The following TBX15 variants were observed in gnomAD, a reference collection of about 807,000 sequenced individuals.
TBX15 encodes T-box transcription factor TBX15.
In TBX15, 18 loss-of-function variants were observed where a neutral mutation model predicts 53.9. The ratio of observed to expected loss-of-function variants is 0.33; its 90% CI spans 0.23 to 0.49. TBX15 has a LOEUF of 0.49. Ranked by LOEUF, TBX15 falls within the 20% of genes least tolerant of loss-of-function variation. TBX15 has a pLI of 0.98. For missense variants in TBX15, 692 were observed against 749.5 expected (o/e 0.92, Z 0.90); for synonymous variants, 295 against 278.0 (o/e 1.06, Z -0.61).
At chr1:118,903,190 G>A (rs543581981) in intron 6 of TBX15, among the ~76,000 whole-genome samples, 33 of 152,198 alleles carry the variant, frequency 2.2e-4, no homozygotes, top group African/African-American at 7.0e-4. Context: ...TTCTCTTTAG[G>A]CTTTTCAGGC....
At chr1:118,966,215 G>A (rs541131647) in intron 1 of TBX15, among the ~76,000 whole-genome samples, 2 of 152,350 alleles carry the variant, frequency 1.3e-5, no homozygotes, top group African/African-American at 4.8e-5. Context: ...AACCAATCTT[G>A]TGACTTTGAG....
chr1:118,989,446 G>C (rs1657964033), upstream of TBX15: 1 of 152,212 alleles, frequency 6.6e-6, no homozygotes, highest in African/African-American at 2.4e-5. Context: ...TCCTAGCCAA[G>C]CTGAAAAAAC....
chr1:118,893,699 C>G (rs1654298752), intron 7 of TBX15, among the ~76,000 whole-genome samples: 1 of 152,042 alleles, frequency 6.6e-6, no homozygotes, highest in South Asian at 2.1e-4. Context: ...CTTCACTATC[C>G]TTTACAAAAC....
At chr1:118,929,184 A>T (rs944558720) in intron 2 of TBX15, among the ~76,000 whole-genome samples, 1 of 152,202 alleles carries the variant, frequency 6.6e-6, no homozygotes, top group South Asian at 2.1e-4. Flanking sequence ...GGGTTGGTAC[A>T]CTCAAAGACT....
At chr1:118,889,104 G>A (rs1654048201) in intron 7 of TBX15, among the ~76,000 whole-genome samples, 1 of 152,150 alleles carries the variant, frequency 6.6e-6, no homozygotes, top group Non-Finnish European at 1.5e-5. Flanking sequence ...GTGTTTGAAG[G>A]AGGCAGGGGC....
chr1:118,911,739 C>T (rs139805052), intron 6 of TBX15, among the ~76,000 whole-genome samples: 34 of 152,300 alleles, frequency 2.2e-4, no homozygotes, highest in East Asian at 1.4e-3. Context: ...GCAGGGGTCA[C>T]GCCTTGTAGC....
At chr1:118,901,898 TG>T (rs1654642396) in intron 6 of TBX15, among the ~76,000 whole-genome samples, 1 of 152,146 alleles carries the variant, frequency 6.6e-6, no homozygotes, top group Non-Finnish European at 1.5e-5. Context: ...ATGCCACCTA[TG>T]GACACATATG....
intron 6 of TBX15, among the ~76,000 whole-genome samples, chr1:118,903,498 G>C (rs1037131576): frequency 2.0e-5 from 3 of 152,120 alleles, no homozygotes; most frequent in African/African-American, 7.2e-5. Flanking sequence ...TCTTGAGATA[G>C]GGAGTTGCTT....
At chr1:118,888,476 C>A (rs766925689) in intron 7 of TBX15, among the ~76,000 whole-genome samples, 7 of 152,198 alleles carry the variant, frequency 4.6e-5, no homozygotes, top group Admixed American at 1.3e-4. Flanking sequence ...AATGGCCAGG[C>A]CTTCTGTGCC....
chr1:118,893,540 T>TGGAAGGAA (rs775989628), intron 7 of TBX15, among the ~76,000 whole-genome samples: 3 of 29,464 alleles, frequency 1.0e-4, no homozygotes, highest in Non-Finnish European at 2.0e-4. Flanking sequence ...GAAAGAAAGA[T>TGGAAGGAA]GGAAGGAAGG....
At chr1:118,887,733 T>A (rs935265421) in intron 7 of TBX15, among the ~76,000 whole-genome samples, 3 of 150,344 alleles carry the variant, frequency 2.0e-5, no homozygotes, top group Non-Finnish European at 2.9e-5. Flanking sequence ...ATCCACAGTG[T>A]GCTAAGGACA....
intron 5 of TBX15, among the ~76,000 whole-genome samples, chr1:118,916,467 A>G (rs1456970606): frequency 3.3e-5 from 5 of 152,232 alleles, no homozygotes; most frequent in African/African-American, 1.2e-4. Context: ...TTATGTGGCC[A>G]AGAAACACAT....
intron 4 of TBX15, among the ~76,000 whole-genome samples, chr1:118,924,204 G>A: frequency 6.6e-6 from 1 of 152,116 alleles, no homozygotes; most frequent in Non-Finnish European, 1.5e-5. Context: ...AACATCACAC[G>A]CTCCAATTAT....
rs1653860261 is a variant in TBX15 at position 118,884,640 on chromosome 1, T to C, written c.*92A>G. The C allele has an allele frequency of 6.7e-7, 1 of 1,502,116 alleles. No homozygotes were observed. The allele number at this position is 1,502,116 out of a possible 1,614,324, so 93.0% of individuals were successfully genotyped here. A position where few individuals can be genotyped will look rare whatever the true frequency, so the allele number is the denominator to read the frequency against. On this transcript the variant is annotated 3_prime_UTR_variant, in exon 8 of 8. Transcript: ENST00000369429. ...AAAAAAAAAAACACGGTTCCTGTTTTTCAAAGACACTGGACTCCCAAAGAG... is the reference window on the plus strand; with the variant it reads ...AAAAAAAAAAACACGGTTCCTGTTTCTCAAAGACACTGGACTCCCAAAGAG...
At chr1:118,973,719 A>G (rs1657319367) in intron 1 of TBX15, among the ~76,000 whole-genome samples, 1 of 152,020 alleles carries the variant, frequency 6.6e-6, no homozygotes, top group Admixed American at 6.6e-5. Flanking sequence ...GAACTGTTAC[A>G]CCCAGTTCTC....
intron 1 of TBX15, among the ~76,000 whole-genome samples, chr1:118,956,817 G>C (rs1329822302): frequency 1.3e-5 from 2 of 151,708 alleles, no homozygotes; most frequent in Admixed American, 1.3e-4. Flanking sequence ...CCGGAAATTA[G>C]CCAGGCATGG....
rs1557873055 is a variant in TBX15 at position 118,893,598 on chromosome 1, G to GAAAGAAAGAAA, written c.1024+5429_1024+5430insTTTCTTTCTTT. Among the ~76,000 whole-genome samples, 438 of 119,084 alleles carry GAAAGAAAGAAA rather than the reference G, an allele frequency of 3.7e-3. 27 individuals are homozygous for GAAAGAAAGAAA. Among genetic ancestry groups the GAAAGAAAGAAA allele is most frequent in the African/African-American group, 0.019 (423 of 21,966 alleles). The allele number at this position is 119,084 out of a possible 152,430, so 78.1% of individuals were successfully genotyped here. ...GGAAAGAAAGAAAGGAAGGAAGGAA[G>GAAAGAAAGAAA]GAAAGAAAGAAAGAAAGAGAGAGAG... On this transcript the variant is annotated intron_variant, in intron 7 of 7. Transcript: ENST00000369429.
At chr1:118,970,709 A>G (rs1313307698) in intron 1 of TBX15, among the ~76,000 whole-genome samples, 3 of 152,148 alleles carry the variant, frequency 2.0e-5, no homozygotes, top group Non-Finnish European at 4.4e-5. Flanking sequence ...TTGACTGTGC[A>G]GTTTTTTAAT....
Position 118,884,898 on chromosome 1 carries a change from G to A in TBX15, c.1643C>T (p.Ser548Phe), listed in dbSNP as rs776777911. 18 of 1,614,094 alleles carry A rather than the reference G, an allele frequency of 1.1e-5. No homozygotes were observed. The highest frequency in any genetic ancestry group is 2.5e-6 in the Non-Finnish European group (3 of 1,180,044). ...SQSTLLCSSP[S>F]NGAFGERQYL... Reference sequence around the variant, plus strand: ...CTGCCTCTCTCCAAAGGCCCCGTTGGAAGGAGAAGAACAGAGTAAAGTGCT... The same window carrying A: ...CTGCCTCTCTCCAAAGGCCCCGTTGAAAGGAGAAGAACAGAGTAAAGTGCT... The change falls in exon 8 of 8, where the codon TCC becomes TTC. Residue 548 changes from serine to phenylalanine, a missense_variant. Physicochemically the swap from Ser to Phe is radical, Grantham distance 155 (BLOSUM62 -2). Around this residue, in one of 3 missense-constraint regions of TBX15, gnomAD observed 375 missense variants for 371.6 expected, o/e 1.01. Transcript: ENST00000369429.
Sources: gnomAD v4.1 joint callset for allele counts (sites outside exome capture counted in the v4.1 genomes callset) on GRCh38, gnomAD v4.1.1 for gene constraint, gnomAD v4.1.1 regional missense constraint, MANE v1.5 for transcripts, NCBI Gene and HGNC (gene_info 2026-07-23, HGNC 2026-07-21) for gene names.